Variants in CEP126 observed in about 807,000 individuals in gnomAD.
The protein encoded by CEP126 is centrosomal protein of 126 kDa.
In CEP126, 74 loss-of-function variants were observed where a neutral mutation model predicts 107.8. That is an observed-to-expected ratio of 0.69 (90% CI 0.57 to 0.83). The LOEUF (loss-of-function observed/expected upper bound fraction) is 0.83. CEP126 is among the 40% of genes least tolerant of loss of function. CEP126 has a pLI of 0.00. For synonymous variants in CEP126, 449 were observed against 446.0 expected (o/e 1.01, Z -0.08); for missense variants, 1,237 against 1,281.9 (o/e 0.96, Z 0.53).
chr11:101,938,102 G>A (rs376807689), intron 2 of CEP126, among the ~76,000 whole-genome samples: 15 of 140,256 alleles, frequency 1.1e-4, no homozygotes, highest in South Asian at 9.2e-4. Context: ...GCAGTGAGCC[G>A]AGATTGCGCC....
At chr11:101,968,239 T>A (rs1941081508) in intron 6 of CEP126, among the ~76,000 whole-genome samples, 1 of 152,110 alleles carries the variant, frequency 6.6e-6, no homozygotes, top group African/African-American at 2.4e-5. Flanking sequence ...AAGAAACCAT[T>A]TATGGATTTA....
rs1243904075 is a variant in CEP126 at position 101,915,306 on chromosome 11, A to G, written c.22A>G (p.Thr8Ala). Residue 8 changes from threonine (T) to alanine (A), a missense_variant, in exon 1 of 11, where the codon ACC becomes GCC. By Grantham distance (58) the Thr-to-Ala change is moderately conservative. Coordinates refer to ENST00000263468, the MANE Select transcript of CEP126 (RefSeq NM_020802.4). The part of the protein sequence containing the change: MLAGRPG[T>A]RSAVGELGTE... Reference sequence around the variant, plus strand: ...AAGGATGCTGGCGGGGAGGCCCGGAACCCGGAGCGCGGTCGGGGAACTGGG... The same window carrying G: ...AAGGATGCTGGCGGGGAGGCCCGGAGCCCGGAGCGCGGTCGGGGAACTGGG... 23 of 1,613,204 alleles carry G rather than the reference A, an allele frequency of 1.4e-5. No individual in the cohort carries two copies. The highest frequency in any genetic ancestry group is 1.9e-5 in the Non-Finnish European group (23 of 1,179,858).
intron 2 of CEP126, among the ~76,000 whole-genome samples, chr11:101,937,891 C>T (rs922348703): frequency 1.2e-4 from 18 of 151,826 alleles, no homozygotes; most frequent in South Asian, 2.1e-4. Context: ...CGGTGGCTCA[C>T]GCCTGTAATC....
chr11:101,924,841 G>A (rs961346690), intron 2 of CEP126, among the ~76,000 whole-genome samples: 4 of 152,098 alleles, frequency 2.6e-5, no homozygotes, highest in South Asian at 2.1e-4. Flanking sequence ...AGTGTTATGT[G>A]TCCAGCAGAA....
intron 2 of CEP126, among the ~76,000 whole-genome samples, chr11:101,929,407 C>T (rs1192398881): frequency 6.6e-6 from 1 of 152,204 alleles, no homozygotes; most frequent in Non-Finnish European, 1.5e-5. Context: ...AGCCTCATTA[C>T]AGACAGTTGG....
intron 4 of CEP126, among the ~76,000 whole-genome samples, chr11:101,952,290 G>A (rs1940823695): frequency 6.6e-6 from 1 of 152,160 alleles, no homozygotes; most frequent in Non-Finnish European, 1.5e-5. Flanking sequence ...ATCATGAAGA[G>A]CCTCGGTAAG....
intron 10 of CEP126, among the ~76,000 whole-genome samples, chr11:101,994,472 GGTTATCCTC>G (rs1207755173): frequency 3.9e-5 from 6 of 151,934 alleles, no homozygotes; most frequent in Non-Finnish European, 7.4e-5. Context: ...GTGTTTCCTA[GGTTATCCTC>G]CAGGGTTTTT....
chr11:101,953,491 AAAAG>A (rs1279083312), intron 4 of CEP126, among the ~76,000 whole-genome samples: 1 of 152,176 alleles, frequency 6.6e-6, no homozygotes, highest in East Asian at 1.9e-4. Flanking sequence ...AGATAAGAAA[AAAAG>A]AAAGCCACAT....
Position 101,978,903 on chromosome 11 carries a change from T to C in CEP126, c.2958+444T>C, listed in dbSNP as rs1397256017. 2.8e-4 allele frequency among the ~76,000 whole-genome samples: 43 copies of C among 151,846 alleles called. 1 individual carries two copies. Among genetic ancestry groups the C allele is most frequent in the Non-Finnish European group, 2.9e-5 (2 of 67,944 alleles). ...TGGCACTTTGGGAGGCCAAGGTGGG[T>C]GGATCACCTGAGGTCAGGAGTTCAA... On this transcript the variant is annotated intron_variant, in intron 7 of 10. Coordinates refer to ENST00000263468, the MANE Select transcript of CEP126 (RefSeq NM_020802.4).
rs1472082038 is a variant in CEP126, at chr11:101,992,961, G to C, written c.3309+119G>C. 2.0e-5 allele frequency: 20 copies of C among 1,023,436 alleles called. No individual in the cohort carries two copies. In the South Asian group the frequency reaches 6.0e-4, roughly 31 times the overall value. The allele number at this position is 1,023,436 out of a possible 1,614,324, so 63.4% of individuals were successfully genotyped here. ...ATATTTCTTGGGATTGGTTTATAGA[G>C]GTTTTCTCCTCAACTGGCTTTTTAT... is the stretch of plus-strand genomic sequence containing the variant. On this transcript the variant is annotated intron_variant, in intron 10 of 10. Transcript: ENST00000263468.
intron 6 of CEP126, among the ~76,000 whole-genome samples, chr11:101,968,156 CT>C (rs1941079575): frequency 6.6e-6 from 1 of 151,872 alleles, no homozygotes; most frequent in Admixed American, 6.6e-5. Flanking sequence ...AACTATGAGA[CT>C]TTTTTAGCGG....
intron 6 of CEP126, among the ~76,000 whole-genome samples, chr11:101,966,397 A>G (rs548467429): frequency 6.6e-6 from 1 of 152,054 alleles, no homozygotes; most frequent in South Asian, 2.1e-4. Flanking sequence ...TTTTATTTTT[A>G]TACCCTTATG....
intron 2 of CEP126, among the ~76,000 whole-genome samples, chr11:101,934,116 T>C (rs1426836734): frequency 6.6e-6 from 1 of 152,090 alleles, no homozygotes; most frequent in African/African-American, 2.4e-5. Context: ...ATCCTCCAGC[T>C]GTCTTCAAGC....
intron 1 of CEP126, among the ~76,000 whole-genome samples, chr11:101,918,108 C>G (rs1313410826): frequency 1.3e-5 from 2 of 151,988 alleles, no homozygotes; most frequent in East Asian, 3.9e-4. Flanking sequence ...TCTTTTTTTC[C>G]CCCCAGGCTC....
chr11:101,978,502 A>ATTGCTTGGAAAACAGAGGTTC (rs1941219331), intron 7 of CEP126, 43 bp downstream of exon 7: 1 of 1,319,300 alleles, frequency 7.6e-7, no homozygotes. Flanking sequence ...ATATTTAAAA[A>ATTGCTTGGAAAACAGAGGTTC]TTGCTTGGAA....
Position 101,961,834 on chromosome 11 carries a change from A to G in CEP126, c.799A>G (p.Thr267Ala), listed in dbSNP as rs778200856. 2 of 1,611,078 alleles carry G rather than the reference A, an allele frequency of 1.2e-6. No individual in the cohort carries two copies. The highest frequency in any genetic ancestry group is 2.2e-5 in the South Asian group (2 of 90,700). ...TACAGAGCATGAAGAAATATATTTA[A>G]CACTTAATAAGGAGCATTCCACATC... Reference protein sequence around the residue: ...EATEHEEIYLTLNKEHSTSIQ... With the variant: ...EATEHEEIYLALNKEHSTSIQ... Residue 267 changes from threonine to alanine, a missense_variant, in exon 6 of 11, where the codon ACA becomes GCA. Coordinates refer to ENST00000263468, the MANE Select transcript of CEP126 (RefSeq NM_020802.4).
chr11:101,975,985 T>C (rs1189426403), intron 6 of CEP126, among the ~76,000 whole-genome samples: 1 of 152,236 alleles, frequency 6.6e-6, no homozygotes, highest in Non-Finnish European at 1.5e-5. Flanking sequence ...CTACCATTGA[T>C]GGACATTTAG....
At chr11:101,981,608 T>C (rs926272372) in intron 7 of CEP126, among the ~76,000 whole-genome samples, 11 of 152,076 alleles carry the variant, frequency 7.2e-5, no homozygotes, top group African/African-American at 2.4e-4. Context: ...GCACTTTTGA[T>C]TACCATCCAA....
intron 8 of CEP126, among the ~76,000 whole-genome samples, chr11:101,983,880 C>G (rs1472753583): frequency 6.6e-6 from 1 of 152,196 alleles, no homozygotes; most frequent in Admixed American, 6.5e-5. Flanking sequence ...GAGTGAATTT[C>G]TTACCAGTCC....
Sources: gnomAD v4.1 joint callset for allele counts (sites outside exome capture counted in the v4.1 genomes callset) on GRCh38, gnomAD v4.1.1 for gene constraint, MANE v1.5 for transcripts, NCBI Gene and HGNC (gene_info 2026-07-23, HGNC 2026-07-21) for gene names.